Variants in MICU1 observed in about 807,000 individuals in gnomAD.
MICU1 encodes mitochondrial calcium uptake 1, also known as calcium uptake protein 1, mitochondrial.
A neutral mutation model predicts 56.8 loss-of-function variants in MICU1; 45 were observed. That is an observed-to-expected ratio of 0.79 (90% CI 0.62 to 1.02). MICU1 has a LOEUF of 1.02. Ranked by LOEUF, MICU1 falls within the 50% of genes least tolerant of loss-of-function variation. The probability of loss-of-function intolerance (pLI) is 0.00; values close to 1 mark genes in which losing one functional copy is unlikely to be tolerated. For synonymous variants in MICU1, 186 were observed against 195.1 expected (o/e 0.95, Z 0.39); for missense variants, 504 against 587.1 (o/e 0.86, Z 1.46).
intron 8 of MICU1, among the ~76,000 whole-genome samples, chr10:72,456,159 G>A (rs1340270587): frequency 6.6e-6 from 1 of 152,138 alleles, no homozygotes; most frequent in African/African-American, 2.4e-5. Flanking sequence ...AATTACCACT[G>A]GGTAGCAAGA....
chr10:72,415,212 C>T (rs771784814), intron 9 of MICU1, among the ~76,000 whole-genome samples: 15 of 152,168 alleles, frequency 9.9e-5, no homozygotes, highest in South Asian at 4.1e-4. Flanking sequence ...GATGTGCTTT[C>T]GCCATGTTGG....
chr10:72,399,119 G>A (rs1564845634), intron 10 of MICU1, among the ~76,000 whole-genome samples: 1 of 152,176 alleles, frequency 6.6e-6, no homozygotes, highest in Non-Finnish European at 1.5e-5. Context: ...TTCATCCCTA[G>A]GATGCAAGGC....
chr10:72,525,155 A>T (rs1226342101), intron 5 of MICU1, among the ~76,000 whole-genome samples: 1 of 123,698 alleles, frequency 8.1e-6, no homozygotes, highest in Admixed American at 8.4e-5. Flanking sequence ...CATTGGTATT[A>T]AAAAAAAAAA....
At chr10:72,395,049 G>A (rs1055570535) in intron 10 of MICU1, among the ~76,000 whole-genome samples, 2 of 151,174 alleles carry the variant, frequency 1.3e-5, no homozygotes, top group Non-Finnish European at 3.0e-5. Flanking sequence ...CGTGGTGGCG[G>A]GTGCCTGTAA....
chr10:72,474,394 G>A (rs912564277), intron 8 of MICU1, among the ~76,000 whole-genome samples: 2 of 151,764 alleles, frequency 1.3e-5, no homozygotes, highest in African/African-American at 2.4e-5. Context: ...CATATAGAAG[G>A]CATTTGATCA....
In MICU1 at chr10:72,427,733, AATATATATATATATAT is replaced by A. The variant is rs58696519; in HGVS notation, c.934-4378_934-4363del. Among the ~76,000 whole-genome samples the A allele has an allele frequency of 7.3e-5, 10 of 136,346 alleles. 1 individual carries two copies. The highest frequency in any genetic ancestry group is 5.0e-4 in the South Asian group (2 of 4,030). The allele number at this position is 136,346 out of a possible 152,430, so 89.4% of individuals were successfully genotyped here. ...TCAGCATCATAGACCCCATCTCTAA[AATATATATATATATAT>A]ATATATATATATATATATATGAATG... is the stretch of plus-strand genomic sequence containing the variant. On this transcript the variant is annotated intron_variant, in intron 8 of 11. Transcript: ENST00000361114.
chr10:72,436,508 C>T (rs1485311346), intron 8 of MICU1, among the ~76,000 whole-genome samples: 1 of 152,164 alleles, frequency 6.6e-6, no homozygotes, highest in Non-Finnish European at 1.5e-5. Context: ...GCATCTTCTC[C>T]AAAGGATCGC....
chr10:72,535,242 C>CTACTA (rs1395269412), intron 4 of MICU1, among the ~76,000 whole-genome samples: 1 of 151,564 alleles, frequency 6.6e-6, no homozygotes, highest in African/African-American at 2.4e-5. Flanking sequence ...GTTGGCCAGG[C>CTACTA]TACTAGGTCA....
At chr10:72,429,125 C>G (rs1864442011) in intron 8 of MICU1, among the ~76,000 whole-genome samples, 3 of 152,094 alleles carry the variant, frequency 2.0e-5, no homozygotes, top group Admixed American at 2.0e-4. Context: ...GCCCAGTTAA[C>G]ATTCAATAAA....
At chr10:72,496,184 G>C (rs528394727) in intron 6 of MICU1, among the ~76,000 whole-genome samples, 1 of 151,972 alleles carries the variant, frequency 6.6e-6, no homozygotes, top group Non-Finnish European at 1.5e-5. Flanking sequence ...CTGGAGTGCA[G>C]TGGCACAATC....
At chr10:72,497,306 C>T (rs974405218) in intron 6 of MICU1, among the ~76,000 whole-genome samples, 1 of 152,164 alleles carries the variant, frequency 6.6e-6, no homozygotes, top group African/African-American at 2.4e-5. Context: ...GATCCACCCA[C>T]CTCAGCCTCC....
At chr10:72,501,938 A>G (rs1253001456) in intron 6 of MICU1, among the ~76,000 whole-genome samples, 2 of 152,208 alleles carry the variant, frequency 1.3e-5, no homozygotes, top group African/African-American at 4.8e-5. Context: ...TTTCTTTAGA[A>G]AAACAGCTTT....
chr10:72,480,140 T>C (rs943256592), intron 6 of MICU1, among the ~76,000 whole-genome samples: 2 of 152,178 alleles, frequency 1.3e-5, no homozygotes, highest in Admixed American at 6.5e-5. Context: ...ACTGCAGTGA[T>C]GGCAGTGGTA....
chr10:72,507,185 C>A (rs1867281602), intron 6 of MICU1, among the ~76,000 whole-genome samples: 1 of 150,922 alleles, frequency 6.6e-6, no homozygotes, highest in South Asian at 2.1e-4. Context: ...AATTGCAAAT[C>A]ACTTATTTCA....
chr10:72,569,225 A>ATTTTTTTTTTTTT (rs1320606721), intron 1 of MICU1, among the ~76,000 whole-genome samples: 1 of 40,504 alleles, frequency 2.5e-5, no homozygotes, highest in African/African-American at 1.2e-4. Context: ...ATATATATAT[A>ATTTTTTTTTTTTT]TATATATATA....
At chr10:72,435,377 C>A (rs1010019749) in intron 8 of MICU1, among the ~76,000 whole-genome samples, 2 of 133,744 alleles carry the variant, frequency 1.5e-5, no homozygotes, top group Non-Finnish European at 3.1e-5. Flanking sequence ...CAGAGTGAGA[C>A]CCTGTTACAA....
At chr10:72,616,289 G>T (rs2132580541) in intron 1 of MICU1, among the ~76,000 whole-genome samples, 1 of 152,096 alleles carries the variant, frequency 6.6e-6, no homozygotes, top group East Asian at 1.9e-4. Context: ...AAATTAGTAG[G>T]GAACAGTTTT....
chr10:72,474,648 T>C (rs896233222), intron 8 of MICU1, among the ~76,000 whole-genome samples: 3 of 152,188 alleles, frequency 2.0e-5, no homozygotes, highest in African/African-American at 7.2e-5. Flanking sequence ...TATGCCACTG[T>C]GCCTGGTTAA....
chr10:72,497,496 G>A (rs536029909), intron 6 of MICU1, among the ~76,000 whole-genome samples: 8 of 152,258 alleles, frequency 5.3e-5, no homozygotes, highest in African/African-American at 7.2e-5. Context: ...ATTTGATTCC[G>A]GTCTCGCTTC....
Sources: gnomAD v4.1 joint callset for allele counts (sites outside exome capture counted in the v4.1 genomes callset) on GRCh38, gnomAD v4.1.1 for gene constraint, MANE v1.5 for transcripts, NCBI Gene and HGNC (gene_info 2026-07-23, HGNC 2026-07-21) for gene names.